PDCD1LG2: variants seen among roughly 807,000 people sequenced by gnomAD.
PDCD1LG2 encodes programmed cell death 1 ligand 2, also known as B7 dendritic cell molecule.
A neutral mutation model predicts 28.2 loss-of-function variants in PDCD1LG2; 32 were observed. That is an observed-to-expected ratio of 1.13 (90% confidence interval 0.86 to 1.52). The LOEUF (loss-of-function observed/expected upper bound fraction) is 1.52. Ranked by LOEUF, PDCD1LG2 falls within the 40% of genes most tolerant of loss-of-function variation. The probability of loss-of-function intolerance (pLI) is 0.00; values close to 1 mark genes in which losing one functional copy is unlikely to be tolerated. For missense variants in PDCD1LG2, 385 were observed against 323.8 expected, an observed-to-expected ratio of 1.19 and a Z score of -1.45; for synonymous variants, 116 against 120.2, an observed-to-expected ratio of 0.97 and a Z score of 0.23.
chr9:5,549,369 G>T lies in PDCD1LG2; in HGVS notation c.396G>T (p.Lys132Asn), dbSNP rs1816276419. The T allele has an allele frequency of 6.2e-7, 1 of 1,613,998 alleles. No homozygotes were observed. The highest frequency in any genetic ancestry group is 1.1e-5 in the South Asian group (1 of 91,072). The change falls in exon 4 of 7, where the codon AAG (lysine) becomes AAT (asparagine). Residue 132 changes from lysine (K) to asparagine (N), a missense_variant. Physicochemically the swap from Lys to Asn is moderately conservative, Grantham distance 94. Transcript: ENST00000397747. ...GGAAAATAAACACTCACATCCTAAA[G>T]GTTCCAGAAACAGATGAGGTAGAGC... is the stretch of plus-strand genomic sequence containing the variant. ...SYRKINTHILKVPETDEVELT... is the reference protein window; with the variant it reads ...SYRKINTHILNVPETDEVELT...
chr9:5,541,146 T>C (rs1423297789), intron 3 of PDCD1LG2, among the ~76,000 whole-genome samples: 1 of 152,160 alleles, frequency 6.6e-6, no homozygotes, highest in East Asian at 1.9e-4. Flanking sequence ...AGAAAAAGCA[T>C]TTGACAAAAT....
chr9:5,557,685 T>C lies in PDCD1LG2; in HGVS notation c.699T>C (p.Ala233=). Residue 233 remains alanine (A), a synonymous_variant, in exon 5 of 7, where the codon GCT becomes GCC. Transcript: ENST00000397747. ...TTTTCATCCCCTTCTGCATCATTGC[T>C]TTCATTTTCATAGCCACAGTGATAG... ...LHIFIPFCII[A]FIFIATVIAL... 1 of 1,613,794 alleles carries C rather than the reference T, an allele frequency of 6.2e-7. No individual in the cohort carries two copies. The highest frequency in any genetic ancestry group is 1.3e-5 in the African/African-American group (1 of 75,022).
chr9:5,565,529 C>A (rs530693945), intron 6 of PDCD1LG2, among the ~76,000 whole-genome samples: 2 of 152,258 alleles, frequency 1.3e-5, no homozygotes, highest in Admixed American at 6.5e-5. Context: ...CTCTCTCCCC[C>A]ACTCATACCT....
chr9:5,541,391 A>G (rs553784100), intron 3 of PDCD1LG2, among the ~76,000 whole-genome samples: 1 of 152,204 alleles, frequency 6.6e-6, no homozygotes, highest in Non-Finnish European at 1.5e-5. Flanking sequence ...AGGGCATCCA[A>G]ATTGGTAAAG....
chr9:5,551,883 T>A (rs1429498680), intron 4 of PDCD1LG2, among the ~76,000 whole-genome samples: 1 of 152,182 alleles, frequency 6.6e-6, no homozygotes, highest in African/African-American at 2.4e-5. Flanking sequence ...AGCCACAATC[T>A]CTGCAGAAGA....
At chr9:5,514,499 G>C (rs941218563) in intron 1 of PDCD1LG2, among the ~76,000 whole-genome samples, 1 of 152,088 alleles carries the variant, frequency 6.6e-6, no homozygotes, top group African/African-American at 2.4e-5. Context: ...CTTATCCTCA[G>C]AATTTACAGA....
intron 2 of PDCD1LG2, among the ~76,000 whole-genome samples, chr9:5,534,259 T>C (rs1338496622): frequency 1.3e-5 from 2 of 152,136 alleles, no homozygotes; most frequent in Non-Finnish European, 2.9e-5. Flanking sequence ...CAAAAATATA[T>C]GGATTAATCA....
At chr9:5,568,710 T>G (rs1260260681) in intron 6 of PDCD1LG2, among the ~76,000 whole-genome samples, 1 of 152,236 alleles carries the variant, frequency 6.6e-6, no homozygotes. Flanking sequence ...CACACTTTCT[T>G]TCTTCAGGCA....
intron 1 of PDCD1LG2, among the ~76,000 whole-genome samples, chr9:5,515,885 T>G (rs1457183319): frequency 6.2e-5 from 7 of 113,506 alleles, no homozygotes; most frequent in African/African-American, 2.4e-4. Context: ...ATCACACCAC[T>G]GCACTCCAGC....
At chr9:5,536,277 A>C (rs927115018) in intron 3 of PDCD1LG2, among the ~76,000 whole-genome samples, 6 of 152,200 alleles carry the variant, frequency 3.9e-5, no homozygotes, top group Non-Finnish European at 8.8e-5. Context: ...TGAGAGAGAT[A>C]ATGAACATAA....
chr9:5,511,620 G>A (rs1196633830), intron 1 of PDCD1LG2, among the ~76,000 whole-genome samples: 1 of 152,232 alleles, frequency 6.6e-6, no homozygotes, highest in Admixed American at 6.5e-5. Flanking sequence ...GAGCAGTAAT[G>A]AGACAGTTGT....
chr9:5,562,405 T>C (rs1363885172), intron 5 of PDCD1LG2, among the ~76,000 whole-genome samples: 1 of 152,164 alleles, frequency 6.6e-6, no homozygotes, highest in African/African-American at 2.4e-5. Flanking sequence ...CCAAATACCA[T>C]ATATTCTCAC....
chr9:5,526,835 G>C (rs1820389341), intron 2 of PDCD1LG2, among the ~76,000 whole-genome samples: 1 of 152,016 alleles, frequency 6.6e-6, no homozygotes, highest in Admixed American at 6.6e-5. Context: ...TTCCAAATCA[G>C]CAAATATAGA....
At chr9:5,539,635 G>C (rs932624104) in intron 3 of PDCD1LG2, among the ~76,000 whole-genome samples, 7 of 152,204 alleles carry the variant, frequency 4.6e-5, no homozygotes, top group Non-Finnish European at 7.3e-5. Context: ...AGGGGCGGGA[G>C]CATGGCCAAA....
chr9:5,563,707 G>C (rs1446038009), intron 6 of PDCD1LG2, among the ~76,000 whole-genome samples: 1 of 152,152 alleles, frequency 6.6e-6, no homozygotes, highest in African/African-American at 2.4e-5. Flanking sequence ...AGCCTGGTTG[G>C]ATGAAAAGCT....
intron 4 of PDCD1LG2, among the ~76,000 whole-genome samples, chr9:5,556,202 C>T (rs1453763100): frequency 6.6e-6 from 1 of 152,192 alleles, no homozygotes; most frequent in East Asian, 1.9e-4. Context: ...AGGGAACCTG[C>T]ACAGGACAAG....
rs991004714 is a variant in PDCD1LG2, at chr9:5,569,067, G to C, written c.817-887G>C. Among the ~76,000 whole-genome samples, 8 of 152,212 alleles carry C rather than the reference G, an allele frequency of 5.3e-5. No homozygotes were observed. Among genetic ancestry groups the C allele is most frequent in the African/African-American group, 1.7e-4 (7 of 41,450 alleles). ...AAGTGCACGTGACCCCGTTCAGAGA[G>C]AAAGCCAGGTGTGAGATAAGGGGGA... On this transcript the variant is annotated intron_variant, in intron 6 of 6. Coordinates refer to ENST00000397747, the MANE Select transcript of PDCD1LG2 (RefSeq NM_025239.4). The surrounding 1 kb of genome is among the most constrained non-coding windows in gnomAD (Gnocchi z 4.1).
At chr9:5,566,260 G>T (rs1045649150) in intron 6 of PDCD1LG2, among the ~76,000 whole-genome samples, 5 of 152,212 alleles carry the variant, frequency 3.3e-5, no homozygotes, top group Non-Finnish European at 7.3e-5. Context: ...AAGAAGCACA[G>T]GGCTTGCTGG....
intron 4 of PDCD1LG2, among the ~76,000 whole-genome samples, chr9:5,551,945 G>C (rs7869190): frequency 1.3e-5 from 2 of 151,900 alleles, no homozygotes; most frequent in Non-Finnish European, 2.9e-5. Context: ...TGCTGCTGTG[G>C]ATCCCAAGCC....
Sources: allele counts gnomAD v4.1 joint callset (sites outside exome capture counted in the v4.1 genomes callset), GRCh38; gene constraint gnomAD v4.1.1; non-coding constraint Gnocchi (gnomAD v3.1); transcripts MANE v1.5; gene names NCBI Gene and HGNC (gene_info 2026-07-23, HGNC 2026-07-21).